Variants in MSH6 observed in about 807,000 individuals in gnomAD.
MSH6 encodes mutS homolog 6.
Under a neutral mutation model 119.1 loss-of-function variants are expected in MSH6, and 85 were observed. The observed-to-expected ratio is 0.71, with a 90% CI of 0.60 to 0.85. MSH6 has a LOEUF of 0.85. Among genes scored for constraint, MSH6 ranks in the 40% least tolerant of loss-of-function variants. The pLI is 0.00. For synonymous variants in MSH6, 830 were observed against 586.9 expected (o/e 1.41, Z -5.99); for missense variants, 2,163 against 1,655.3 (o/e 1.31, Z -5.32).
rs1553331415 is a variant in MSH6, at chr2:47,803,510, TC to T, written c.3264del (p.Leu1089Ter). On this transcript the variant is annotated frameshift_variant, in exon 5 of 10. Coordinates refer to ENST00000234420, the MANE Select transcript of MSH6 (RefSeq NM_000179.3). LOFTEE classifies it high-confidence loss of function. ...CTGTTGCCGGAAGATACCCCCCCCT[TC>T]TTAGAGCTTAAAGGATCACGCCATC... ...VILLPEDTPP[F>X]LELKGSRHPC... The T allele has an allele frequency of 6.2e-7, 1 of 1,614,092 alleles. No homozygotes were observed. Among genetic ancestry groups the T allele is most frequent in the Non-Finnish European group, 8.5e-7 (1 of 1,180,020 alleles).
rs1316409501 is a variant in MSH6, at chr2:47,803,663, G to A, written c.3416G>A (p.Gly1139Asp). 6.2e-7 allele frequency: 1 copy of A among 1,614,178 alleles called. No homozygotes were observed. Among genetic ancestry groups the A allele is most frequent in the South Asian group, 1.1e-5 (1 of 91,082 alleles). ...CTTGTTACTGGACCAAATATGGGGG[G>A]CAAGTCTACGCTTATGAGACAGGTA... Reference protein sequence around the residue: ...CVLVTGPNMGGKSTLMRQAGL... With the variant: ...CVLVTGPNMGDKSTLMRQAGL... Residue 1139 changes from glycine (G) to aspartate (D), a missense_variant, in exon 5 of 10, where the codon GGC (glycine) becomes GAC (aspartate). Gly to Asp is a moderately conservative substitution (Grantham distance 94). Transcript: ENST00000234420.
chr2:47,788,833 A>G (rs1668515618), intron 1 of MSH6, among the ~76,000 whole-genome samples: 1 of 148,412 alleles, frequency 6.7e-6, no homozygotes, highest in African/African-American at 2.5e-5. Flanking sequence ...CGTCCTCCCA[A>G]AATGCTGGGA....
In MSH6 at chr2:47,786,800, G is replaced by T. The variant is rs570443397; in HGVS notation, c.260+3307G>T. Among the ~76,000 whole-genome samples the T allele has an allele frequency of 1.3e-4, 20 of 151,824 alleles. No homozygotes were observed. The South Asian group carries it at 4.2e-3, about 32-fold the overall frequency. ...AATGAGTTCTTTCATTTAGTTTATG[G>T]CTTTGTTGTTGTTGTTGAATAATAG... On this transcript the variant is annotated intron_variant, in intron 1 of 9. Coordinates refer to ENST00000234420, the MANE Select transcript of MSH6 (RefSeq NM_000179.3).
At chr2:47,788,806 A>T (rs1251129649) in intron 1 of MSH6, among the ~76,000 whole-genome samples, 2 of 146,600 alleles carry the variant, frequency 1.4e-5, no homozygotes, top group Non-Finnish European at 3.0e-5. Context: ...TCCTGACCTC[A>T]GGTGATCTGC....
chr2:47,786,907 A>T (rs1177437003), intron 1 of MSH6, among the ~76,000 whole-genome samples: 1 of 152,100 alleles, frequency 6.6e-6, no homozygotes, highest in African/African-American at 2.4e-5. Context: ...ACCTGTTGGG[A>T]TTACAAGTGT....
chr2:47,806,715 G>T (rs1670177304), intron 9 of MSH6, 64 bp downstream of exon 9: 1 of 1,576,738 alleles, frequency 6.3e-7, no homozygotes, highest in Non-Finnish European at 8.7e-7. Context: ...AACAGTAAAA[G>T]GGGAAGGGAT....
rs2104374565 is a variant in MSH6, at chr2:47,799,880, A to T, written c.1897A>T (p.Thr633Ser). 6.2e-7 allele frequency: 1 copy of T among 1,614,166 alleles called. No homozygotes were observed. The highest frequency in any genetic ancestry group is 8.5e-7 in the Non-Finnish European group (1 of 1,180,034). ...CTCCCAGTTTTGGGATGCATCCAAA[A>T]CTTTGAGAACTCTCCTTGAGGAAGA... is the stretch of plus-strand genomic sequence containing the variant. ...PGSQFWDASK[T>S]LRTLLEEEYF... The change falls in exon 4 of 10, where the codon ACT becomes TCT. Residue 633 changes from threonine to serine, a missense_variant. Thr to Ser is a moderately conservative substitution (Grantham distance 58). Transcript: ENST00000234420.
downstream of MSH6, chr2:47,808,133 T>C (rs1414040345): frequency 1.2e-6 from 2 of 1,610,406 alleles, no homozygotes; most frequent in Non-Finnish European, 1.7e-6. Context: ...TGTGCTGCAA[T>C]GTATTAGATT....
chr2:47,803,152 G>A (rs1234476728), intron 4 of MSH6, among the ~76,000 whole-genome samples: 5 of 152,028 alleles, frequency 3.3e-5, no homozygotes, highest in African/African-American at 7.2e-5. Context: ...TGCTGACCTC[G>A]TGAACTCTGC....
chr2:47,808,325 A>G (rs774315189), downstream of MSH6: 14 of 1,612,296 alleles, frequency 8.7e-6, no homozygotes, highest in East Asian at 4.5e-5. Flanking sequence ...AGTGTGCTAC[A>G]TACCTATCAT....
chr2:47,791,832 G>C (rs1487894142), intron 2 of MSH6, among the ~76,000 whole-genome samples: 1 of 150,738 alleles, frequency 6.6e-6, no homozygotes, highest in Non-Finnish European at 1.5e-5. Context: ...CACACGCCAC[G>C]TTGCCTGGCT....
downstream of MSH6, chr2:47,809,239 G>T: frequency 6.3e-7 from 1 of 1,597,210 alleles, no homozygotes; most frequent in Non-Finnish European, 8.6e-7. Flanking sequence ...CTTTTCTATG[G>T]CATCTTGATT....
At chr2:47,801,440 C>G in intron 4 of MSH6, 1 of 326,990 alleles carries the variant, frequency 3.1e-6, no homozygotes, top group East Asian at 6.6e-5. Flanking sequence ...ACAACCATGG[C>G]TACTGCAGCC....
Position 47,804,908 on chromosome 2 carries a change from A to G in MSH6, c.3439-2A>G, listed in dbSNP as rs267608098. ...AAAGACCTTTTCCTCCCTCATTCAC[A>G]GGCTGGCTTATTAGCTGTAATGGCC... On this transcript the variant is annotated splice_acceptor_variant, in intron 5 of 9. Transcript: ENST00000234420. LOFTEE classifies it high-confidence loss of function. 2 of 1,612,010 alleles carry G rather than the reference A, an allele frequency of 1.2e-6. No individual in the cohort carries two copies. Among genetic ancestry groups the G allele is most frequent in the Non-Finnish European group, 1.7e-6 (2 of 1,178,062 alleles).
At chr2:47,808,052 T>A (rs1269084854), downstream of MSH6, 2 of 1,403,974 alleles carry the variant, frequency 1.4e-6, no homozygotes, top group African/African-American at 2.9e-5. Flanking sequence ...ATTTTAAATC[T>A]TCTTCCAAAA....
chr2:47,804,535 TAAA>T (rs746167671), intron 5 of MSH6, among the ~76,000 whole-genome samples: 69 of 80,936 alleles, frequency 8.5e-4, no homozygotes, highest in African/African-American at 4.6e-3. Flanking sequence ...TGACAACGTG[TAAA>T]AAAAAAAAAA....
At chr2:47,796,843 C>T (rs1669128046) in intron 3 of MSH6, among the ~76,000 whole-genome samples, 1 of 152,104 alleles carries the variant, frequency 6.6e-6, no homozygotes, top group South Asian at 2.1e-4. Context: ...CACCTGTAGT[C>T]CCAACCACTT....
intron 2 of MSH6, among the ~76,000 whole-genome samples, chr2:47,795,324 A>G (rs1669004445): frequency 1.3e-5 from 2 of 152,148 alleles, no homozygotes; most frequent in African/African-American, 4.8e-5. Context: ...ATCTATATCA[A>G]TAAAAAGTAA....
intron 1 of MSH6, chr2:47,783,903 C>CGG: frequency 1.3e-6 from 1 of 753,768 alleles, no homozygotes; most frequent in African/African-American, 6.8e-5. Context: ...GTGGGCGGGG[C>CGG]GGGGGGCGGG....
Sources: allele counts gnomAD v4.1 joint callset (sites outside exome capture counted in the v4.1 genomes callset), GRCh38; gene constraint gnomAD v4.1.1; transcripts MANE v1.5; gene names NCBI Gene and HGNC (gene_info 2026-07-23, HGNC 2026-07-21).